Variants in ERC2 observed in about 807,000 individuals in gnomAD.
ERC2 encodes the protein ELKS/RAB6-interacting/CAST family member 2.
In ERC2, 42 loss-of-function variants were observed where a neutral mutation model predicts 114.8. The ratio of observed to expected loss-of-function variants is 0.37; its 90% confidence interval spans 0.29 to 0.47. ERC2 has a LOEUF of 0.47. Ranked by LOEUF, ERC2 falls within the 20% of genes least tolerant of loss-of-function variation. The pLI is 0.99. For synonymous variants in ERC2, 454 were observed against 425.5 expected (o/e 1.07, Z -0.82); for missense variants, 939 against 1,150.7 (o/e 0.82, Z 2.66).
chr3:55,926,327 T>C (rs2065745019), intron 13 of ERC2, among the ~76,000 whole-genome samples: 1 of 151,850 alleles, frequency 6.6e-6, no homozygotes, highest in South Asian at 2.1e-4. Flanking sequence ...GTCTACATGC[T>C]GTGCCTAAAT....
intron 17 of ERC2, among the ~76,000 whole-genome samples, chr3:55,579,851 C>G (rs183271673): frequency 6.4e-4 from 97 of 152,344 alleles, no homozygotes; most frequent in Admixed American, 6.1e-3. Context: ...AAGAATGCTC[C>G]TTCCTGCATT....
chr3:55,627,652 A>G (rs1342121676), intron 17 of ERC2, among the ~76,000 whole-genome samples: 2 of 152,178 alleles, frequency 1.3e-5, no homozygotes, highest in African/African-American at 4.8e-5. Flanking sequence ...ACACAGGACC[A>G]TAGAGCTGCT....
chr3:55,762,918 A>C (rs572697052), intron 14 of ERC2, among the ~76,000 whole-genome samples: 1 of 152,370 alleles, frequency 6.6e-6, no homozygotes, highest in East Asian at 1.9e-4. Flanking sequence ...GTTCAGTTCA[A>C]CTTAACAACT....
intron 2 of ERC2, among the ~76,000 whole-genome samples, chr3:56,361,824 T>A (rs1221538891): frequency 2.0e-5 from 3 of 152,126 alleles, no homozygotes; most frequent in African/African-American, 7.2e-5. Flanking sequence ...GCATCGTAAA[T>A]CATACACAGG....
At chr3:56,154,451 C>T (rs546585682) in intron 4 of ERC2, among the ~76,000 whole-genome samples, 1 of 152,182 alleles carries the variant, frequency 6.6e-6, no homozygotes. Flanking sequence ...TCTTATTTGC[C>T]TGCTTCTGAC....
chr3:56,004,084 T>C (rs1314727081), intron 10 of ERC2, among the ~76,000 whole-genome samples: 1 of 152,054 alleles, frequency 6.6e-6, no homozygotes, highest in Non-Finnish European at 1.5e-5. Context: ...TTATCATGGT[T>C]TAAAGAAACT....
At chr3:55,722,352 C>T (rs1056287065) in intron 15 of ERC2, among the ~76,000 whole-genome samples, 1 of 152,132 alleles carries the variant, frequency 6.6e-6, no homozygotes, top group South Asian at 2.1e-4. Context: ...TTCCAACTTT[C>T]CTGGCTGCAG....
At position 55,629,379 on chromosome 3, in the gene ERC2, A is replaced by G. The variant is rs114372060; in HGVS notation, c.*39+54415T>C. 2.8e-3 allele frequency among the ~76,000 whole-genome samples: 428 copies of G among 152,366 alleles called. 3 individuals carry two copies. Among genetic ancestry groups the G allele is most frequent in the African/African-American group, 9.9e-3 (410 of 41,586 alleles). On this transcript the variant is annotated intron_variant, in intron 17 of 17. Transcript: ENST00000288221. ...AAGGCTTATCCCAAAAGGACTCTCA[A>G]ACACTAGAAATAAAACACATTGAAA...
intron 2 of ERC2, among the ~76,000 whole-genome samples, chr3:56,313,624 G>A (rs1026652930): frequency 3.9e-5 from 6 of 152,168 alleles, no homozygotes; most frequent in Non-Finnish European, 7.3e-5. Flanking sequence ...AAAGAAGGAA[G>A]CAGTACGCAG....
intron 14 of ERC2, among the ~76,000 whole-genome samples, chr3:55,833,643 C>A (rs2060724984): frequency 1.3e-5 from 2 of 152,162 alleles, no homozygotes; most frequent in Admixed American, 6.5e-5. Context: ...TGGTACCAAC[C>A]ACTGCAAAAT....
intron 12 of ERC2, among the ~76,000 whole-genome samples, chr3:55,975,649 G>T (rs1302814952): frequency 6.6e-6 from 1 of 152,140 alleles, no homozygotes; most frequent in Non-Finnish European, 1.5e-5. Context: ...GATGGTTCAG[G>T]ATTAATCCTC....
intron 14 of ERC2, among the ~76,000 whole-genome samples, chr3:55,873,140 A>G (rs2062663404): frequency 6.6e-6 from 1 of 152,202 alleles, no homozygotes; most frequent in South Asian, 2.1e-4. Context: ...TGCCAAAATA[A>G]TTCCCCCACA....
intron 14 of ERC2, among the ~76,000 whole-genome samples, chr3:55,771,810 C>T (rs1224513162): frequency 2.6e-5 from 4 of 152,240 alleles, no homozygotes; most frequent in African/African-American, 9.6e-5. Context: ...GAGGCAGGCT[C>T]TCCACCTGTA....
At chr3:55,697,786 C>T (rs2063012121) in intron 16 of ERC2, among the ~76,000 whole-genome samples, 1 of 151,864 alleles carries the variant, frequency 6.6e-6, no homozygotes, top group Admixed American at 6.6e-5. Flanking sequence ...TGGGGGAACT[C>T]AGGATGGTCT....
intron 5 of ERC2, among the ~76,000 whole-genome samples, chr3:56,148,449 C>T (rs1046949799): frequency 6.6e-6 from 1 of 152,098 alleles, no homozygotes; most frequent in Non-Finnish European, 1.5e-5. Flanking sequence ...CCATGCCTGG[C>T]TAATTTTTGT....
chr3:56,116,049 C>A (rs917196498), intron 6 of ERC2, among the ~76,000 whole-genome samples: 1 of 152,202 alleles, frequency 6.6e-6, no homozygotes, highest in African/African-American at 2.4e-5. Flanking sequence ...TGCCATGTTT[C>A]TCCTCCCTCT....
At chr3:55,665,781 G>C (rs1308654236) in intron 17 of ERC2, among the ~76,000 whole-genome samples, 1 of 152,188 alleles carries the variant, frequency 6.6e-6, no homozygotes, top group Non-Finnish European at 1.5e-5. Context: ...ATGCTGATGA[G>C]AGTTTGCTGG....
At chr3:56,403,673 G>C (rs145655774) in intron 2 of ERC2, among the ~76,000 whole-genome samples, 2,929 of 152,266 alleles carry the variant, frequency 0.019, 54 homozygotes, top group Middle Eastern at 0.048. Flanking sequence ...GCATCCTAAA[G>C]TTTGAGAAGC....
At chr3:56,341,370 G>A (rs1397479903) in intron 2 of ERC2, among the ~76,000 whole-genome samples, 2 of 152,114 alleles carry the variant, frequency 1.3e-5, no homozygotes, top group Non-Finnish European at 2.9e-5. Context: ...CAGGGCACTG[G>A]GACCTGAGCC....
Sources: allele counts gnomAD v4.1 joint callset (sites outside exome capture counted in the v4.1 genomes callset), GRCh38; gene constraint gnomAD v4.1.1; transcripts MANE v1.5; gene names NCBI Gene and HGNC (gene_info 2026-07-23, HGNC 2026-07-21).